Variants in UBASH3B observed in about 807,000 individuals in gnomAD.
The protein encoded by UBASH3B is ubiquitin-associated and SH3 domain-containing protein B.
Under a neutral mutation model 83.4 loss-of-function variants are expected in UBASH3B, and 37 were observed. The ratio of observed to expected loss-of-function variants is 0.44; its 90% CI spans 0.34 to 0.58. UBASH3B has a LOEUF of 0.58. Ranked by LOEUF, UBASH3B falls within the 20% of genes least tolerant of loss-of-function variation. The pLI is 0.01. For synonymous variants in UBASH3B, 304 were observed against 318.3 expected (o/e 0.96, Z 0.48); for missense variants, 657 against 827.2 (o/e 0.79, Z 2.52).
At chr11:122,733,494 G>A (rs1234563344) in intron 1 of UBASH3B, among the ~76,000 whole-genome samples, 3 of 152,198 alleles carry the variant, frequency 2.0e-5, no homozygotes, top group Admixed American at 6.5e-5. Flanking sequence ...TCGCGCCAAA[G>A]CATGGCCCAG....
chr11:122,761,895 G>A (rs1209723294), intron 1 of UBASH3B, among the ~76,000 whole-genome samples: 5 of 140,484 alleles, frequency 3.6e-5, no homozygotes, highest in African/African-American at 5.4e-5. Flanking sequence ...GGGTTAAAGC[G>A]ATTCTCCTGC....
chr11:122,726,729 T>C (rs1860749339), intron 1 of UBASH3B, among the ~76,000 whole-genome samples: 1 of 152,232 alleles, frequency 6.6e-6, no homozygotes, highest in African/African-American at 2.4e-5. Flanking sequence ...AACAAGGTCT[T>C]TGAAAAATCA....
rs185154876 is a variant in UBASH3B at position 122,677,997 on chromosome 11, G to T, written c.161+21787G>T. Among the ~76,000 whole-genome samples, 255 of 152,302 alleles carry T rather than the reference G, an allele frequency of 1.7e-3. 3 individuals are homozygous for T. The highest frequency in any genetic ancestry group is 5.7e-3 in the African/African-American group (235 of 41,548). On this transcript the variant is annotated intron_variant, in intron 1 of 13. Transcript: ENST00000284273. The stretch of plus-strand genomic sequence containing the variant: ...GTAGAGATGGGATTTTGCCATGTTG[G>T]CAAGGCTGGTCTCAAACTCCTGACC...
intron 1 of UBASH3B, among the ~76,000 whole-genome samples, chr11:122,663,160 A>G (rs1481987292): frequency 6.6e-6 from 1 of 151,892 alleles, no homozygotes; most frequent in African/African-American, 2.4e-5. Flanking sequence ...GTATTTTAAT[A>G]GAGACATGAT....
At chr11:122,793,054 T>C (rs1239683918) in intron 6 of UBASH3B, among the ~76,000 whole-genome samples, 1 of 152,170 alleles carries the variant, frequency 6.6e-6, no homozygotes, top group African/African-American at 2.4e-5. Context: ...GTTTGCTGTA[T>C]TATATTGGTG....
intron 11 of UBASH3B, among the ~76,000 whole-genome samples, chr11:122,802,143 C>G (rs144973528): frequency 2.0e-5 from 3 of 151,754 alleles, no homozygotes. Context: ...GGTGAAACCC[C>G]GTCTCTACTA....
Position 122,779,567 on chromosome 11 carries a change from T to G in UBASH3B, c.473T>G (p.Phe158Cys). 1 of 1,614,136 alleles carries G rather than the reference T, an allele frequency of 6.2e-7. No homozygotes were observed. The highest frequency in any genetic ancestry group is 8.5e-7 in the Non-Finnish European group (1 of 1,180,022). Reference protein sequence around the residue: ...QTTVSRWKCKFSAPLPLELYT... With the variant: ...QTTVSRWKCKCSAPLPLELYT... ...ACGGTCAGTCGCTGGAAATGTAAGT[T>G]CTCGGCCCCGCTGCCCCTGGAGCTC... Residue 158 changes from phenylalanine (F) to cysteine (C), a missense_variant, in exon 4 of 14, where the codon TTC becomes TGC. Physicochemically the swap from Phe to Cys is radical, Grantham distance 205. This residue lies in a region of UBASH3B where 573 missense variants were observed against 739.0 expected (regional missense o/e 0.78). Coordinates refer to ENST00000284273, the MANE Select transcript of UBASH3B (RefSeq NM_032873.5).
rs891577248 is a variant in UBASH3B, at chr11:122,759,561, T to C, written c.162-16658T>C. ...CTGAGCTTGTTTTCCTGAAACTAGG[T>C]GGGACCGTCTAGTTGGAGACCCCTG... is the stretch of plus-strand genomic sequence containing the variant. On this transcript the variant is annotated intron_variant, in intron 1 of 13. Transcript: ENST00000284273. This position sits in a 1 kb window ranked among gnomAD's most constrained non-coding sequence, Gnocchi z 4.1. 6.6e-6 allele frequency among the ~76,000 whole-genome samples: 1 copy of C among 152,220 alleles called. No homozygotes were observed. Among genetic ancestry groups the C allele is most frequent in the Non-Finnish European group, 1.5e-5 (1 of 68,044 alleles).
intron 11 of UBASH3B, 89 bp downstream of exon 11, chr11:122,801,421 T>C: frequency 6.8e-7 from 1 of 1,476,286 alleles, no homozygotes; most frequent in East Asian, 2.3e-5. Flanking sequence ...GAGCCAGGGC[T>C]GGACATCACC....
intron 10 of UBASH3B, 70 bp from the exon 11 acceptor site, chr11:122,801,118 A>T: frequency 6.4e-7 from 1 of 1,569,100 alleles, no homozygotes; most frequent in Non-Finnish European, 8.7e-7. Context: ...GATTTATCAG[A>T]ATTTTTATAA....
chr11:122,745,703 CCT>C (rs2135963877), intron 1 of UBASH3B, among the ~76,000 whole-genome samples: 1 of 152,268 alleles, frequency 6.6e-6, no homozygotes, highest in East Asian at 1.9e-4. Context: ...CCTGCCATGC[CCT>C]CTCTCACTCC....
In UBASH3B at chr11:122,811,887, T is replaced by C. The variant is rs1423856409; in HGVS notation, c.*2001T>C. 6.6e-6 allele frequency: 1 copy of C among 152,234 alleles called. No homozygotes were observed. The highest frequency in any genetic ancestry group is 1.5e-5 in the Non-Finnish European group (1 of 68,052). The allele number at this position is 152,234 out of a possible 1,614,324, so 9.4% of individuals were successfully genotyped here. On this transcript the variant is annotated 3_prime_UTR_variant, in exon 14 of 14. Transcript: ENST00000284273. ...GGTATTTGTAATGAAGTGAATCCAC[T>C]GTTTAATCAGATCCATAATCTTTAA... is the stretch of plus-strand genomic sequence containing the variant.
At chr11:122,794,268 C>T (rs754378867) in intron 6 of UBASH3B, among the ~76,000 whole-genome samples, 11 of 152,034 alleles carry the variant, frequency 7.2e-5, no homozygotes, top group African/African-American at 1.2e-4. Context: ...TGCAGTGGTG[C>T]GATCTTGGCT....
chr11:122,773,985 T>G (rs1037696559), intron 1 of UBASH3B: 138 of 985,264 alleles, frequency 1.4e-4, no homozygotes, highest in Non-Finnish European at 1.6e-4. Context: ...TTTGGTGACT[T>G]TAATTCCTCA....
At position 122,655,742 on chromosome 11, in the gene UBASH3B, T is replaced by C; in HGVS notation, c.-308T>C. On this transcript the variant is annotated 5_prime_UTR_variant, in exon 1 of 14. Coordinates refer to ENST00000284273, the MANE Select transcript of UBASH3B (RefSeq NM_032873.5). ...TACTCATTGCAAATTCCCGGACTGCTAGGCGAGGAGAGGGAAGGGGGCGGA... is the reference window on the plus strand; with the variant it reads ...TACTCATTGCAAATTCCCGGACTGCCAGGCGAGGAGAGGGAAGGGGGCGGA... 1 of 328,728 alleles carries C rather than the reference T, an allele frequency of 3.0e-6. No homozygotes were observed. Among genetic ancestry groups the C allele is most frequent in the East Asian group, 5.0e-5 (1 of 19,866 alleles). The allele number at this position is 328,728 out of a possible 1,614,324, so 20.4% of individuals were successfully genotyped here.
chr11:122,655,970 C>T lies in UBASH3B; in HGVS notation c.-80C>T. 7.4e-7 allele frequency: 1 copy of T among 1,344,954 alleles called. No individual in the cohort carries two copies. Among genetic ancestry groups the T allele is most frequent in the Non-Finnish European group, 9.7e-7 (1 of 1,032,240 alleles). 83.3% of individuals were successfully genotyped at this position (1,344,954 alleles called of 1,614,324 possible). The stretch of plus-strand genomic sequence containing the variant: ...GGCTCTGGGTCCCCGAGCCCCCTCC[C>T]CTGGCCCAGCCCGACTCCCTCCTCC... On this transcript the variant is annotated 5_prime_UTR_variant, in exon 1 of 14. Coordinates refer to ENST00000284273, the MANE Select transcript of UBASH3B (RefSeq NM_032873.5).
At chr11:122,768,464 A>ATAGG (rs1388770558) in intron 1 of UBASH3B, among the ~76,000 whole-genome samples, 21 of 118,718 alleles carry the variant, frequency 1.8e-4, no homozygotes, top group Non-Finnish European at 2.9e-4. Context: ...ATAGAGATAT[A>ATAGG]TATGTATGTG....
intron 4 of UBASH3B, 21 bp downstream of exon 4, chr11:122,779,716 C>A (rs1179870506): frequency 1.2e-6 from 2 of 1,613,844 alleles, no homozygotes. Context: ...AGCTGCCAGG[C>A]CAGCCCTGGG....
chr11:122,683,604 CA>C (rs35467373), intron 1 of UBASH3B, among the ~76,000 whole-genome samples: 2,442 of 36,862 alleles, frequency 0.066, 60 homozygotes, highest in African/African-American at 0.11. Flanking sequence ...GACTCCTTCT[CA>C]AAAAAAAAAA....
Sources: allele counts gnomAD v4.1 joint callset (sites outside exome capture counted in the v4.1 genomes callset), GRCh38; gene constraint gnomAD v4.1.1; regional missense constraint gnomAD v4.1.1; non-coding constraint Gnocchi (gnomAD v3.1); transcripts MANE v1.5; gene names NCBI Gene and HGNC (gene_info 2026-07-23, HGNC 2026-07-21).